Variants in PAX7 observed in about 807,000 individuals in gnomAD.
PAX7 encodes paired box protein Pax-7.
In PAX7, 18 loss-of-function variants were observed where a neutral mutation model predicts 50.7. The observed-to-expected ratio is 0.36, with a 90% CI of 0.25 to 0.53. PAX7 has a LOEUF of 0.53. Among genes scored for constraint, PAX7 ranks in the 20% least tolerant of loss-of-function variants. The pLI is 0.93. For missense variants in PAX7, 644 were observed against 702.9 expected (o/e 0.92, Z 0.95); for synonymous variants, 310 against 290.4 (o/e 1.07, Z -0.69).
chr1:18,725,829 G>C (rs1250046219), intron 7 of PAX7, among the ~76,000 whole-genome samples: 1 of 151,472 alleles, frequency 6.6e-6, no homozygotes. Context: ...TGAGCCCTTG[G>C]ACCCATCCTG....
intron 4 of PAX7, among the ~76,000 whole-genome samples, chr1:18,671,285 G>C (rs1369506550): frequency 2.0e-5 from 3 of 152,238 alleles, no homozygotes; most frequent in Non-Finnish European, 4.4e-5. Context: ...AGAAAAATGA[G>C]TGCATGAGAG....
chr1:18,687,247 G>T (rs1178256487), intron 4 of PAX7, among the ~76,000 whole-genome samples: 1 of 152,044 alleles, frequency 6.6e-6, no homozygotes, highest in African/African-American at 2.4e-5. Flanking sequence ...GGCATACAAG[G>T]GTGTATTGTT....
intron 4 of PAX7, among the ~76,000 whole-genome samples, chr1:18,657,605 G>A (rs1211091172): frequency 6.6e-6 from 1 of 152,282 alleles, no homozygotes; most frequent in East Asian, 1.9e-4. Context: ...GCTGCCAGCA[G>A]GACCCAGCTC....
At chr1:18,689,988 C>T (rs778274810) in intron 4 of PAX7, among the ~76,000 whole-genome samples, 1 of 152,164 alleles carries the variant, frequency 6.6e-6, no homozygotes, top group Non-Finnish European at 1.5e-5. Flanking sequence ...GGGTCAGGGG[C>T]GGGGAGCACA....
chr1:18,739,782 T>C (rs1931022841), intron 8 of PAX7, among the ~76,000 whole-genome samples: 1 of 152,182 alleles, frequency 6.6e-6, no homozygotes, highest in Non-Finnish European at 1.5e-5. Context: ...CCATTGTCCA[T>C]CCACCTGTCC....
At chr1:18,732,616 G>A (rs1442137753) in intron 7 of PAX7, among the ~76,000 whole-genome samples, 3 of 152,234 alleles carry the variant, frequency 2.0e-5, no homozygotes, top group Admixed American at 6.5e-5. Flanking sequence ...GTAGAAAGGG[G>A]TGAAAGGAGT....
chr1:18,672,424 TGTAAGG>T (rs1268641575), intron 4 of PAX7, among the ~76,000 whole-genome samples: 1 of 152,094 alleles, frequency 6.6e-6, no homozygotes, highest in African/African-American at 2.4e-5. Context: ...TCCTCAGGAT[TGTAAGG>T]GTGCGCCATG....
Position 18,636,480 on chromosome 1 carries a change from G to A in PAX7, c.586+109G>A. The A allele has an allele frequency of 1.5e-6, 2 of 1,349,480 alleles. No homozygotes were observed. The highest frequency in any genetic ancestry group is 2.0e-6 in the Non-Finnish European group (2 of 980,926). 83.6% of individuals were successfully genotyped at this position (1,349,480 alleles called of 1,614,324 possible). A position where few individuals can be genotyped will look rare whatever the true frequency, so the allele number is the denominator to read the frequency against. On this transcript the variant is annotated intron_variant, in intron 4 of 8. Coordinates refer to ENST00000420770, the MANE Select transcript of PAX7 (RefSeq NM_001135254.2). This position sits in a 1 kb window ranked among gnomAD's most constrained non-coding sequence, Gnocchi z 5.1. ...CGGAGCAGGCGACCAGAACTCCAGCGGAGAAACTCTCATGCTGCGGGGCAG... is the reference window on the plus strand; with the variant it reads ...CGGAGCAGGCGACCAGAACTCCAGCAGAGAAACTCTCATGCTGCGGGGCAG...
chr1:18,707,765 C>T (rs2089302467), intron 7 of PAX7, among the ~76,000 whole-genome samples: 1 of 152,134 alleles, frequency 6.6e-6, no homozygotes, highest in South Asian at 2.1e-4. Context: ...CTTCCTGCCT[C>T]TCAGAAATGC....
chr1:18,647,085 C>T (rs1181749395), intron 4 of PAX7, among the ~76,000 whole-genome samples: 2 of 151,324 alleles, frequency 1.3e-5, no homozygotes, highest in Non-Finnish European at 3.0e-5. Flanking sequence ...CGGAACAAAA[C>T]AGAACGCACA....
chr1:18,733,100 C>A (rs1413439092), intron 7 of PAX7, among the ~76,000 whole-genome samples: 1 of 151,928 alleles, frequency 6.6e-6, no homozygotes, highest in Non-Finnish European at 1.5e-5. Context: ...AGACTGAGAA[C>A]CCCAGGGTAG....
At chr1:18,677,744 T>C (rs936965516) in intron 4 of PAX7, among the ~76,000 whole-genome samples, 4 of 152,184 alleles carry the variant, frequency 2.6e-5, no homozygotes, top group Non-Finnish European at 4.4e-5. Flanking sequence ...TGAGGGTCCG[T>C]GGCTTCTTTA....
At chr1:18,660,366 C>G (rs2088582833) in intron 4 of PAX7, among the ~76,000 whole-genome samples, 1 of 152,156 alleles carries the variant, frequency 6.6e-6, no homozygotes, top group Non-Finnish European at 1.5e-5. Flanking sequence ...TCTTCTCTTC[C>G]CCTAGACACC....
chr1:18,713,695 C>T (rs1180460717), intron 7 of PAX7, among the ~76,000 whole-genome samples: 3 of 152,096 alleles, frequency 2.0e-5, no homozygotes, highest in Admixed American at 6.6e-5. Flanking sequence ...TCTAGTCAGA[C>T]AGGAAGACCA....
chr1:18,731,758 C>T (rs2089649839), intron 7 of PAX7, among the ~76,000 whole-genome samples: 1 of 152,086 alleles, frequency 6.6e-6, no homozygotes, highest in Non-Finnish European at 1.5e-5. Context: ...TCACACCCTC[C>T]CCAGATGTGG....
At chr1:18,685,192 G>A (rs1387408058) in intron 4 of PAX7, among the ~76,000 whole-genome samples, 4 of 152,168 alleles carry the variant, frequency 2.6e-5, no homozygotes, top group Non-Finnish European at 5.9e-5. Flanking sequence ...CTGAACATCT[G>A]TAGAATGGGG....
Position 18,635,132 on chromosome 1 carries a change from G to GAGAAAA in PAX7, c.347_352dup (p.Lys116_Lys117dup), listed in dbSNP as rs1216236759. 1 of 1,613,756 alleles carries GAGAAAA rather than the reference G, an allele frequency of 6.2e-7. No individual in the cohort carries two copies. The highest frequency in any genetic ancestry group is 8.5e-7 in the Non-Finnish European group (1 of 1,179,878). On this transcript the variant is annotated inframe_insertion, in exon 3 of 9. Coordinates refer to ENST00000420770, the MANE Select transcript of PAX7 (RefSeq NM_001135254.2). ...GAAGCAGGTGGCGACTCCGGATGTA[G>GAGAAAA]AGAAAAAGATTGAGGAGTACAAGAG...
chr1:18,709,201 A>G (rs926810102), intron 7 of PAX7, among the ~76,000 whole-genome samples: 4 of 152,080 alleles, frequency 2.6e-5, no homozygotes, highest in Non-Finnish European at 5.9e-5. Flanking sequence ...TCTGAAAATC[A>G]CACGGTTGGG....
chr1:18,636,541 T>A lies in PAX7; in HGVS notation c.586+170T>A, dbSNP rs374668813. Among the ~76,000 whole-genome samples the A allele has an allele frequency of 1.1e-4, 16 of 152,314 alleles. No individual in the cohort carries two copies. Among genetic ancestry groups the A allele is most frequent in the African/African-American group, 3.8e-4 (16 of 41,568 alleles). On this transcript the variant is annotated intron_variant, in intron 4 of 8. Transcript: ENST00000420770. This position sits in a 1 kb window ranked among gnomAD's most constrained non-coding sequence, Gnocchi z 5.1. ...CTCAGGCTTTGCCGACAGCGCCCCC[T>A]CGGTGCGCACCCCGGATGCCGGCTA...
Sources: allele counts gnomAD v4.1 joint callset (sites outside exome capture counted in the v4.1 genomes callset), GRCh38; gene constraint gnomAD v4.1.1; non-coding constraint Gnocchi (gnomAD v3.1); transcripts MANE v1.5; gene names NCBI Gene and HGNC (gene_info 2026-07-23, HGNC 2026-07-21).